The following RAB5C variants were observed in gnomAD, a reference collection of about 807,000 sequenced individuals.
RAB5C encodes RAB5C, member RAS oncogene family.
A neutral mutation model predicts 25.2 loss-of-function variants in RAB5C; 4 were observed. That is an observed-to-expected ratio of 0.16 (90% CI 0.08 to 0.36). The LOEUF (loss-of-function observed/expected upper bound fraction) is 0.36. Among genes scored for constraint, RAB5C ranks in the 10% least tolerant of loss-of-function variants. The pLI is 1.00. For synonymous variants in RAB5C, 100 were observed against 106.4 expected, an observed-to-expected ratio of 0.94 and a Z score of 0.37; for missense variants, 199 against 283.8, an observed-to-expected ratio of 0.70 and a Z score of 2.15.
At chr17:42,126,660 A>AAAAG (rs2054428127) in intron 5 of RAB5C, 95 bp downstream of exon 5, 1 of 360,654 alleles carries the variant, frequency 2.8e-6, no homozygotes, top group Non-Finnish European at 5.3e-6. Context: ...AAAAAAAAAG[A>AAAAG]GTGGTGAAGG....
chr17:42,145,152 G>A (rs544196697), intron 1 of RAB5C, among the ~76,000 whole-genome samples: 6 of 151,848 alleles, frequency 4.0e-5, no homozygotes, highest in Non-Finnish European at 7.4e-5. Context: ...CAGCCTGGGC[G>A]ATGGAGTGAG....
intron 2 of RAB5C, 170 bp downstream of exon 2, chr17:42,130,167 C>T: frequency 1.2e-6 from 1 of 867,934 alleles, no homozygotes; most frequent in Non-Finnish European, 1.7e-6. Context: ...GGGACTCTGG[C>T]ATGGAGACCA....
chr17:42,128,557 GTTAA>G, intron 3 of RAB5C, 88 bp downstream of exon 3: 1 of 1,352,094 alleles, frequency 7.4e-7, no homozygotes, highest in Non-Finnish European at 9.8e-7. Context: ...GGAACAGAGG[GTTAA>G]GCGGCCTGAA....
At chr17:42,126,975 G>T in intron 4 of RAB5C, 127 bp from the exon 5 acceptor site, 1 of 553,484 alleles carries the variant, frequency 1.8e-6, no homozygotes, top group Non-Finnish European at 3.3e-6. Context: ...GACACACACA[G>T]GAGTTTTCAG....
intron 1 of RAB5C, among the ~76,000 whole-genome samples, chr17:42,144,460 A>AAAAT (rs747721217): frequency 1.2e-4 from 18 of 152,026 alleles, no homozygotes; most frequent in Non-Finnish European, 2.4e-4. Context: ...TCATCTCCAA[A>AAAAT]AAATAAATAA....
At chr17:42,131,435 AACACAC>A (rs146594244) in intron 1 of RAB5C, among the ~76,000 whole-genome samples, 1,681 of 148,586 alleles carry the variant, frequency 0.011, 26 homozygotes, top group African/African-American at 0.041. Context: ...TACACACTGA[AACACAC>A]ACACACACAC....
Position 42,130,474 on chromosome 17 carries a change from G to A in RAB5C, c.29C>T (p.Pro10Leu), listed in dbSNP as rs761919578. The A allele has an allele frequency of 6.2e-7, 1 of 1,614,094 alleles. No individual in the cohort carries two copies. Among genetic ancestry groups the A allele is most frequent in the Non-Finnish European group, 8.5e-7 (1 of 1,180,004 alleles). Residue 10 changes from proline to leucine, a missense_variant, in exon 2 of 6, where the codon CCC (proline) becomes CTC (leucine). Transcript: ENST00000346213. ...CTTGTTCCCAGCAGCTGGTCCATTG[G>A]GTCGTGCTGCGCCTCCCCGACCCGC... MAGRGGAAR[P>L]NGPAAGNKIC...
rs1568019234 is a variant in RAB5C, at chr17:42,130,558, A to G, written c.-56T>C. On this transcript the variant is annotated 5_prime_UTR_variant, in exon 2 of 6. Coordinates refer to ENST00000346213, the MANE Select transcript of RAB5C (RefSeq NM_004583.4). ...GTGCGGGTGGGGACTGGTGCTATGC[A>G]AAGAGGCACTTAGTGGGGAGGGGGA... 2 of 1,601,712 alleles carry G rather than the reference A, an allele frequency of 1.2e-6. No homozygotes were observed. Among genetic ancestry groups the G allele is most frequent in the Non-Finnish European group, 8.5e-7 (1 of 1,173,062 alleles).
In RAB5C at chr17:42,128,327, G is replaced by A. The variant is rs1238104938; in HGVS notation, c.375C>T (p.Pro125=). ...WVKELQRQAS[P]NIVIALAGNK... ...TACCCGCGAGTGCAATGACGATGTT[G>A]GGGCTGGCCTGCCTCTGTAGCTCCT... Residue 125 remains proline, a synonymous_variant, in exon 4 of 6, where the codon CCC becomes CCT. Coordinates refer to ENST00000346213, the MANE Select transcript of RAB5C (RefSeq NM_004583.4). The A allele has an allele frequency of 1.2e-6, 2 of 1,614,144 alleles. No homozygotes were observed. Among genetic ancestry groups the A allele is most frequent in the African/African-American group, 1.3e-5 (1 of 75,060 alleles).
intron 1 of RAB5C, among the ~76,000 whole-genome samples, chr17:42,138,078 G>T (rs1198032010): frequency 6.6e-6 from 1 of 152,166 alleles, no homozygotes; most frequent in African/African-American, 2.4e-5. Flanking sequence ...TTTTCAAGTG[G>T]TTTAAAGCTT....
At position 42,125,017 on chromosome 17, in the gene RAB5C, T is replaced by C. The variant is rs373136305; in HGVS notation, c.*766A>G. 6.5e-6 allele frequency: 1 copy of C among 152,750 alleles called. No individual in the cohort carries two copies. The highest frequency in any genetic ancestry group is 1.5e-5 in the Non-Finnish European group (1 of 68,044). 9.5% of individuals were successfully genotyped at this position (152,750 alleles called of 1,614,324 possible). A position where few individuals can be genotyped will look rare whatever the true frequency, so the allele number is the denominator to read the frequency against. On this transcript the variant is annotated 3_prime_UTR_variant, in exon 6 of 6. Coordinates refer to ENST00000346213, the MANE Select transcript of RAB5C (RefSeq NM_004583.4). Reference sequence around the variant, plus strand: ...TCGGCTGACTATATTGACAAGATACTGATTGGTTACATGTTGAAGAAAACA... The same window carrying C: ...TCGGCTGACTATATTGACAAGATACCGATTGGTTACATGTTGAAGAAAACA...
At chr17:42,135,905 T>C (rs1043438812) in intron 1 of RAB5C, among the ~76,000 whole-genome samples, 1 of 152,162 alleles carries the variant, frequency 6.6e-6, no homozygotes, top group Non-Finnish European at 1.5e-5. Flanking sequence ...CCAATCAGAC[T>C]GTTGACCAGG....
At chr17:42,128,875 G>T in intron 2 of RAB5C, 75 bp from the exon 3 acceptor site, 1 of 1,290,874 alleles carries the variant, frequency 7.7e-7, no homozygotes. Context: ...GTTGCTTCTA[G>T]GCTCTGGCAC....
chr17:42,146,095 C>T (rs2079633358), intron 1 of RAB5C, among the ~76,000 whole-genome samples: 2 of 152,134 alleles, frequency 1.3e-5, no homozygotes, highest in Admixed American at 1.3e-4. Flanking sequence ...GCGTGAGTCA[C>T]CGCGCCTGGC....
At chr17:42,129,882 G>C (rs1309888018) in intron 2 of RAB5C, among the ~76,000 whole-genome samples, 1 of 152,228 alleles carries the variant, frequency 6.6e-6, no homozygotes, top group African/African-American at 2.4e-5. Flanking sequence ...CAGGCTGTGA[G>C]CTCCAGAAAG....
rs74440956 is a variant in RAB5C, at chr17:42,125,629, G to A, written c.*154C>T. The A allele has an allele frequency of 3.5e-4, 211 of 596,156 alleles. No individual in the cohort carries two copies. Among genetic ancestry groups the A allele is most frequent in the East Asian group, 2.9e-3 (102 of 35,754 alleles). 36.9% of individuals were successfully genotyped at this position (596,156 alleles called of 1,614,324 possible). ...AGGTGCAGGTGGAATGACTCACTCC[G>A]GCCTATGATCAAAATTATATGGAGA... is the stretch of plus-strand genomic sequence containing the variant. On this transcript the variant is annotated 3_prime_UTR_variant, in exon 6 of 6. Transcript: ENST00000346213.
chr17:42,128,899 A>G (rs1181468061), intron 2 of RAB5C, 99 bp from the exon 3 acceptor site: 3 of 1,103,930 alleles, frequency 2.7e-6, no homozygotes, highest in African/African-American at 3.2e-5. Flanking sequence ...GAAGCCCACC[A>G]CTGAGATGGG....
chr17:42,149,477 G>C (rs1416741361), intron 1 of RAB5C, among the ~76,000 whole-genome samples: 1 of 152,110 alleles, frequency 6.6e-6, no homozygotes, highest in Non-Finnish European at 1.5e-5. Flanking sequence ...AGCTACTCAG[G>C]AGGCTGAGGT....
intron 1 of RAB5C, among the ~76,000 whole-genome samples, chr17:42,151,155 G>A (rs2079668181): frequency 6.6e-6 from 1 of 152,066 alleles, no homozygotes; most frequent in Non-Finnish European, 1.5e-5. Context: ...TAGAAGGTCT[G>A]GCCAGGCGCA....
Sources: gnomAD v4.1 joint callset for allele counts (sites outside exome capture counted in the v4.1 genomes callset) on GRCh38, gnomAD v4.1.1 for gene constraint, MANE v1.5 for transcripts, NCBI Gene and HGNC (gene_info 2026-07-23, HGNC 2026-07-21) for gene names.